The following PCNX2 variants were observed in gnomAD, a reference collection of about 807,000 sequenced individuals.
PCNX2 encodes pecanex-like protein 2.
PCNX2 carries 168 observed loss-of-function variants against 223.8 expected under a neutral mutation model. The ratio of observed to expected loss-of-function variants is 0.75; its 90% CI spans 0.66 to 0.85. The LOEUF is 0.85. Among genes scored for constraint, PCNX2 ranks in the 40% least tolerant of loss-of-function variants. PCNX2 has a pLI of 0.00. For missense variants in PCNX2, 2,507 were observed against 2,675.5 expected, an observed-to-expected ratio of 0.94 and a Z score of 1.39; for synonymous variants, 1,006 against 1,052.6, an observed-to-expected ratio of 0.96 and a Z score of 0.86.
At chr1:233,120,851 C>G (rs1675738949) in intron 21 of PCNX2, among the ~76,000 whole-genome samples, 2 of 151,636 alleles carry the variant, frequency 1.3e-5, no homozygotes, top group Non-Finnish European at 2.9e-5. Context: ...ATAAAAGAAA[C>G]AACAACAAAA....
At chr1:233,054,563 T>A in intron 24 of PCNX2, 80 bp from the exon 25 acceptor site, 2 of 1,158,310 alleles carry the variant, frequency 1.7e-6, no homozygotes, top group Non-Finnish European at 2.5e-6. Flanking sequence ...TGAGTTGTCA[T>A]CTGATTAAGG....
intron 16 of PCNX2, among the ~76,000 whole-genome samples, chr1:233,178,553 C>T (rs1572027275): frequency 6.6e-6 from 1 of 152,208 alleles, no homozygotes; most frequent in East Asian, 1.9e-4. Context: ...CATTTTAACA[C>T]TTTGGTGCAA....
At chr1:233,032,223 C>T (rs1372471830) in intron 25 of PCNX2, among the ~76,000 whole-genome samples, 2 of 152,128 alleles carry the variant, frequency 1.3e-5, no homozygotes, top group Non-Finnish European at 2.9e-5. Context: ...CTGCCTCAGC[C>T]TCCCAAGTAG....
intron 23 of PCNX2, among the ~76,000 whole-genome samples, chr1:233,068,287 T>C (rs1167090285): frequency 2.0e-5 from 3 of 152,052 alleles, no homozygotes; most frequent in African/African-American, 7.2e-5. Flanking sequence ...TAACAGAATG[T>C]ATCAAAGGAA....
At chr1:233,079,527 CA>C (rs1160625472) in intron 23 of PCNX2, among the ~76,000 whole-genome samples, 732 of 69,378 alleles carry the variant, frequency 0.011, 5 homozygotes, top group African/African-American at 0.024. Context: ...CACTCCGTCT[CA>C]AAAAAAAAAA....
At chr1:233,213,153 T>A (rs774093599) in intron 12 of PCNX2, among the ~76,000 whole-genome samples, 7 of 152,242 alleles carry the variant, frequency 4.6e-5, no homozygotes, top group Non-Finnish European at 8.8e-5. Context: ...CATATTAGTA[T>A]ATATGTTCCT....
chr1:233,191,504 A>C (rs1450281035), intron 15 of PCNX2, among the ~76,000 whole-genome samples: 2 of 152,160 alleles, frequency 1.3e-5, no homozygotes, highest in Non-Finnish European at 2.9e-5. Flanking sequence ...AGAGCTCATT[A>C]AGTGTCCAAT....
intron 23 of PCNX2, among the ~76,000 whole-genome samples, chr1:233,078,608 C>A (rs1316337432): frequency 6.6e-6 from 1 of 152,192 alleles, no homozygotes; most frequent in African/African-American, 2.4e-5. Flanking sequence ...CTGAATCACT[C>A]ACAAAGCCTC....
intron 18 of PCNX2, among the ~76,000 whole-genome samples, chr1:233,160,684 A>C (rs1168640240): frequency 6.6e-6 from 1 of 152,154 alleles, no homozygotes; most frequent in Non-Finnish European, 1.5e-5. Context: ...TGCCCCTTGG[A>C]ATACATTTTT....
rs376906673 is a variant in PCNX2, at chr1:232,999,267, C to T, written c.5441G>A (p.Arg1814Gln). ...ATCGCAGGAGGAGTTAATCAAGTTC[C>T]GCAGGACCTGCTTATTGTTCTGGAT... is the stretch of plus-strand genomic sequence containing the variant. ...GSIQNNKQVL[R>Q]NLINSSCDQP... Residue 1814 changes from arginine to glutamine, a missense_variant, in exon 31 of 34, where the codon CGG (arginine) becomes CAG (glutamine). This residue lies in a region of PCNX2 where 1,372 missense variants were observed against 1,509.4 expected (regional missense o/e 0.91). Transcript: ENST00000258229. The T allele has an allele frequency of 8.1e-6, 13 of 1,612,978 alleles. No individual in the cohort carries two copies. Among genetic ancestry groups the T allele is most frequent in the African/African-American group, 2.7e-5 (2 of 74,888 alleles).
rs375311653 is a variant in PCNX2 at position 233,116,495 on chromosome 1, G to A, written c.3837+18518C>T. ...GAAATCAACCTAGAAATGAATAATA[G>A]AAAGATAACACAAAAATATCCAAAC... On this transcript the variant is annotated intron_variant, in intron 21 of 33. Coordinates refer to ENST00000258229, the MANE Select transcript of PCNX2 (RefSeq NM_014801.4). Among the ~76,000 whole-genome samples the A allele has an allele frequency of 9.2e-5, 14 of 152,132 alleles. No individual in the cohort carries two copies. In the East Asian group the frequency reaches 2.1e-3, roughly 23 times the overall value.
At position 233,241,461 on chromosome 1, in the gene PCNX2, T is replaced by C. The variant is rs6665863; in HGVS notation, c.2223-4481A>G. ...TTCTAATACGTCTAAGAAAACAAGA[T>C]AAGAATGACAGTGAAAGGAGCAAAG... On this transcript the variant is annotated intron_variant, in intron 8 of 33. Transcript: ENST00000258229. 2,590 of 850,356 alleles carry C rather than the reference T, an allele frequency of 3.0e-3. 57 individuals are homozygous for C. In the African/African-American group the frequency reaches 0.044, roughly 15 times the overall value. The allele number at this position is 850,356 out of a possible 1,614,324, so 52.7% of individuals were successfully genotyped here. A position where few individuals can be genotyped will look rare whatever the true frequency, so the allele number is the denominator to read the frequency against.
chr1:233,241,892 C>T (rs1428205622), intron 8 of PCNX2, among the ~76,000 whole-genome samples: 2 of 152,074 alleles, frequency 1.3e-5, no homozygotes, highest in African/African-American at 2.4e-5. Context: ...TTTCTTCTGA[C>T]TAAAGTTAAA....
intron 12 of PCNX2, among the ~76,000 whole-genome samples, chr1:233,214,883 T>A (rs78635246): frequency 0.073 from 11,088 of 152,240 alleles, 1,285 homozygotes; most frequent in African/African-American, 0.25. Context: ...AAATACACAG[T>A]GTTATGCAAA....
chr1:233,171,519 T>A (rs76925483), intron 17 of PCNX2, among the ~76,000 whole-genome samples: 7,884 of 152,266 alleles, frequency 0.052, 583 homozygotes, highest in African/African-American at 0.17. Context: ...AACTGTCTTC[T>A]GGCTTCCATG....
chr1:233,279,532 G>A (rs2103018054), intron 1 of PCNX2, among the ~76,000 whole-genome samples: 1 of 151,998 alleles, frequency 6.6e-6, no homozygotes, highest in East Asian at 1.9e-4. Flanking sequence ...CAATCTGCCT[G>A]CCTCAGCCTC....
At position 233,295,533 on chromosome 1, in the gene PCNX2, CG is replaced by C; in HGVS notation, c.-56del. 2.1e-6 allele frequency: 3 copies of C among 1,460,840 alleles called. No homozygotes were observed. Among genetic ancestry groups the C allele is most frequent in the Non-Finnish European group, 2.7e-6 (3 of 1,106,108 alleles). The allele number at this position is 1,460,840 out of a possible 1,614,324, so 90.5% of individuals were successfully genotyped here. A position where few individuals can be genotyped will look rare whatever the true frequency, so the allele number is the denominator to read the frequency against. On this transcript the variant is annotated 5_prime_UTR_variant, in exon 1 of 34. Transcript: ENST00000258229. This position sits in a 1 kb window ranked among gnomAD's most constrained non-coding sequence, Gnocchi z 4.1. ...CCCGCTGCACCCTGCGCGCCCCGGC[CG>C]GATCTCCAGGCTCCCTCAGGTCTAA...
chr1:233,289,447 T>C, intron 1 of PCNX2: 3 of 1,360,532 alleles, frequency 2.2e-6, no homozygotes, highest in South Asian at 1.2e-5. Flanking sequence ...GTACTGAACA[T>C]GGCCTTCTCC....
chr1:233,047,593 A>G (rs1671863641), intron 25 of PCNX2: 1 of 159,032 alleles, frequency 6.3e-6, no homozygotes, highest in Non-Finnish European at 1.3e-5. Flanking sequence ...AACCAACAAC[A>G]GTAAAACAGG....
Sources: allele counts gnomAD v4.1 joint callset (sites outside exome capture counted in the v4.1 genomes callset), GRCh38; gene constraint gnomAD v4.1.1; regional missense constraint gnomAD v4.1.1; non-coding constraint Gnocchi (gnomAD v3.1); transcripts MANE v1.5; gene names NCBI Gene and HGNC (gene_info 2026-07-23, HGNC 2026-07-21).